The following ANKRD44 variants were observed in gnomAD, a reference collection of about 807,000 sequenced individuals.
The protein encoded by ANKRD44 is ankyrin repeat domain 44, also known as serine/threonine-protein phosphatase 6 regulatory ankyrin repeat subunit B.
A neutral mutation model predicts 116.0 loss-of-function variants in ANKRD44; 35 were observed. That is an observed-to-expected ratio of 0.30 (90% CI 0.23 to 0.40). The LOEUF is 0.40. ANKRD44 is among the 10% of genes least tolerant of loss of function. The pLI, the probability that ANKRD44 is intolerant of heterozygous loss-of-function variation, is 1.00. For synonymous variants in ANKRD44, 435 were observed against 461.8 expected, an observed-to-expected ratio of 0.94 and a Z score of 0.74; for missense variants, 1,014 against 1,242.6, an observed-to-expected ratio of 0.82 and a Z score of 2.77.
chr2:197,000,332 A>G (rs892940022), intron 23 of ANKRD44, 87 bp downstream of exon 23: 1 of 1,013,076 alleles, frequency 9.9e-7, no homozygotes, highest in Non-Finnish European at 1.5e-6. Context: ...TCTTTCAATT[A>G]AAAACATAGA....
At chr2:196,990,022 T>C (rs910349223) in intron 27 of ANKRD44, 8 of 1,048,006 alleles carry the variant, frequency 7.6e-6, no homozygotes, top group Non-Finnish European at 9.2e-6. Context: ...CACAGGCTTG[T>C]TATAGGGAAC....
intron 1 of ANKRD44, among the ~76,000 whole-genome samples, chr2:197,288,545 C>A (rs117655772): frequency 3.3e-5 from 5 of 152,250 alleles, no homozygotes; most frequent in East Asian, 1.9e-4. Context: ...GCAAGTTTAT[C>A]ACAGCACTAT....
chr2:197,119,639 T>C (rs975149589), intron 8 of ANKRD44, among the ~76,000 whole-genome samples: 1 of 152,188 alleles, frequency 6.6e-6, no homozygotes, highest in Non-Finnish European at 1.5e-5. Context: ...TGAAAAAATA[T>C]AAGATTTTAA....
At chr2:197,267,556 C>T (rs368733565) in intron 1 of ANKRD44, among the ~76,000 whole-genome samples, 75 of 152,308 alleles carry the variant, frequency 4.9e-4, no homozygotes, top group African/African-American at 1.5e-3. Context: ...TTCTCCACCA[C>T]GTTCTAGATA....
At chr2:197,256,446 G>T (rs1282995035) in intron 1 of ANKRD44, among the ~76,000 whole-genome samples, 3 of 152,074 alleles carry the variant, frequency 2.0e-5, no homozygotes, top group Non-Finnish European at 4.4e-5. Context: ...GTAAATGTAA[G>T]CACACAGAGC....
intron 16 of ANKRD44, among the ~76,000 whole-genome samples, chr2:197,066,281 G>C (rs1190032264): frequency 1.3e-5 from 2 of 152,076 alleles, no homozygotes; most frequent in Non-Finnish European, 2.9e-5. Context: ...GTATTGATGG[G>C]ACATATCTCA....
At chr2:197,280,570 G>A (rs2083234593) in intron 1 of ANKRD44, among the ~76,000 whole-genome samples, 1 of 152,234 alleles carries the variant, frequency 6.6e-6, no homozygotes, top group Non-Finnish European at 1.5e-5. Context: ...GACAAATTAT[G>A]TGGAGATGGA....
At chr2:197,013,733 G>A in intron 17 of ANKRD44, 21 bp from the exon 18 acceptor site, 1 of 1,611,580 alleles carries the variant, frequency 6.2e-7, no homozygotes, top group South Asian at 1.1e-5. Flanking sequence ...GAAACCAATG[G>A]CTCCCATGCT....
chr2:197,088,851 TG>T (rs1164106810), intron 11 of ANKRD44, 77 bp from the exon 12 acceptor site: 2 of 1,469,252 alleles, frequency 1.4e-6, no homozygotes, highest in African/African-American at 2.8e-5. Context: ...CAAGAAACAT[TG>T]CAGAGACAGA....
At chr2:197,014,679 G>A (rs773379450) in intron 17 of ANKRD44, among the ~76,000 whole-genome samples, 48 of 151,846 alleles carry the variant, frequency 3.2e-4, no homozygotes, top group Non-Finnish European at 4.4e-4. Flanking sequence ...CCAGCTACTC[G>A]GGAGGCTGAG....
In ANKRD44 at chr2:197,238,435, G is replaced by C. The variant is rs533652575; in HGVS notation, c.28-51329C>G. Among the ~76,000 whole-genome samples, 9 of 152,314 alleles carry C rather than the reference G, an allele frequency of 5.9e-5. No individual in the cohort carries two copies. In the East Asian group the frequency reaches 1.7e-3, roughly 29 times the overall value. ...CTGGCTCTACATACTATCAGCACTA[G>C]TAAATTGATTGTTCTCAGGTGAATC... On this transcript the variant is annotated intron_variant, in intron 1 of 27. Transcript: ENST00000282272.
At chr2:197,087,760 T>C (rs2077959799) in intron 12 of ANKRD44, among the ~76,000 whole-genome samples, 1 of 152,132 alleles carries the variant, frequency 6.6e-6, no homozygotes, top group Non-Finnish European at 1.5e-5. Flanking sequence ...TGTCTCTTAC[T>C]GAATGATGCC....
Position 197,129,175 on chromosome 2 carries a change from C to T in ANKRD44, c.262-3138G>A, listed in dbSNP as rs1009110924. ...TTTTTGAGATAGAGTCTTGCTCTTTCGCCCAGCCTGGAGTGCAGTGGTACC... is the reference window on the plus strand; with the variant it reads ...TTTTTGAGATAGAGTCTTGCTCTTTTGCCCAGCCTGGAGTGCAGTGGTACC... On this transcript the variant is annotated intron_variant, in intron 4 of 27. Transcript: ENST00000282272. Among the ~76,000 whole-genome samples, 5 of 149,152 alleles carry T rather than the reference C, an allele frequency of 3.4e-5. No individual in the cohort carries two copies. In the East Asian group the frequency reaches 7.8e-4, roughly 23 times the overall value.
intron 16 of ANKRD44, among the ~76,000 whole-genome samples, chr2:197,052,400 T>C (rs1056294111): frequency 3.9e-5 from 6 of 152,140 alleles, no homozygotes; most frequent in Admixed American, 6.5e-5. Context: ...TTGTGACATA[T>C]AAGAAAACCT....
At chr2:197,132,517 A>G (rs929600602) in intron 4 of ANKRD44, among the ~76,000 whole-genome samples, 1 of 152,210 alleles carries the variant, frequency 6.6e-6, no homozygotes, top group African/African-American at 2.4e-5. Context: ...CTGAACATAA[A>G]TCTTGCCTGG....
chr2:196,991,630 T>C (rs911351554), intron 27 of ANKRD44, among the ~76,000 whole-genome samples: 6 of 152,202 alleles, frequency 3.9e-5, no homozygotes, highest in South Asian at 2.1e-4. Context: ...CCAGGCTGGA[T>C]TGTAGTGGCA....
chr2:197,246,350 C>CTTTTTTTTTTT lies in ANKRD44; in HGVS notation c.28-59255_28-59245dup. 7.6e-5 allele frequency among the ~76,000 whole-genome samples: 5 copies of CTTTTTTTTTTT among 65,868 alleles called. 2 individuals are homozygous for CTTTTTTTTTTT. The highest frequency in any genetic ancestry group is 2.5e-4 in the Admixed American group (1 of 3,948). 43.2% of individuals were successfully genotyped at this position (65,868 alleles called of 152,430 possible). On this transcript the variant is annotated intron_variant, in intron 1 of 27. Coordinates refer to ENST00000282272, the MANE Select transcript of ANKRD44 (RefSeq NM_001195144.2). ...TACAAGTATGCACCACTACATCTGG[C>CTTTTTTTTTTT]TTTTTTTTTTTTTTTTTTTTTTTTT...
chr2:197,215,491 T>C (rs1203556920), intron 1 of ANKRD44, among the ~76,000 whole-genome samples: 1 of 152,170 alleles, frequency 6.6e-6, no homozygotes, highest in East Asian at 1.9e-4. Context: ...AGGTAGTAAA[T>C]CCATGTGTTT....
intron 1 of ANKRD44, among the ~76,000 whole-genome samples, chr2:197,245,153 G>A (rs1173704869): frequency 2.0e-5 from 3 of 152,062 alleles, no homozygotes; most frequent in African/African-American, 7.2e-5. Flanking sequence ...CCAGCTCCTG[G>A]GGAGGCTGAG....
Sources: allele counts gnomAD v4.1 joint callset (sites outside exome capture counted in the v4.1 genomes callset), GRCh38; gene constraint gnomAD v4.1.1; transcripts MANE v1.5; gene names NCBI Gene and HGNC (gene_info 2026-07-23, HGNC 2026-07-21).